The following KYNU variants were observed in gnomAD, a reference collection of about 807,000 sequenced individuals.
KYNU encodes kynureninase.
A neutral mutation model predicts 59.2 loss-of-function variants in KYNU; 54 were observed. That is an observed-to-expected ratio of 0.91 (90% CI 0.73 to 1.14). KYNU has a LOEUF of 1.14. Ranked by LOEUF, KYNU falls within the 50% of genes most tolerant of loss-of-function variation. The probability of loss-of-function intolerance (pLI) is 0.00; values close to 1 mark genes in which losing one functional copy is unlikely to be tolerated. For missense variants in KYNU, 567 were observed against 554.4 expected, an observed-to-expected ratio of 1.02 and a Z score of -0.23; for synonymous variants, 177 against 192.0, an observed-to-expected ratio of 0.92 and a Z score of 0.65.
intron 12 of KYNU, among the ~76,000 whole-genome samples, chr2:143,034,812 G>C (rs191120041): frequency 2.0e-5 from 3 of 152,166 alleles, no homozygotes; most frequent in Non-Finnish European, 4.4e-5. Flanking sequence ...TTGTATCAGC[G>C]AGATGTGTGA....
At position 142,941,300 on chromosome 2, in the gene KYNU, G is replaced by T. The variant is rs138051293; in HGVS notation, c.374-13510G>T. Among the ~76,000 whole-genome samples, 4 of 152,278 alleles carry T rather than the reference G, an allele frequency of 2.6e-5. No individual in the cohort carries two copies. In the South Asian group the frequency reaches 8.3e-4, roughly 32 times the overall value. Reference sequence around the variant, plus strand: ...CCACTTGGAATATCCAAGGGTTTTAGCAGCCCTGTACCCTGAACTGAGAAC... The same window carrying T: ...CCACTTGGAATATCCAAGGGTTTTATCAGCCCTGTACCCTGAACTGAGAAC... On this transcript the variant is annotated intron_variant, in intron 4 of 13. Coordinates refer to ENST00000264170, the MANE Select transcript of KYNU (RefSeq NM_003937.3).
Position 143,050,028 on chromosome 2 carries a change from T to A in KYNU, c.*7856T>A, listed in dbSNP as rs1687236478. 2 of 147,736 alleles carry A rather than the reference T, an allele frequency of 1.4e-5. No homozygotes were observed. Among genetic ancestry groups the A allele is most frequent in the Admixed American group, 1.4e-4 (2 of 14,682 alleles). The allele number at this position is 147,736 out of a possible 1,614,324, so 9.2% of individuals were successfully genotyped here. On this transcript the variant is annotated 3_prime_UTR_variant, in exon 14 of 14. Transcript: ENST00000264170. ...TGAATATATATATAATATATAAACA[T>A]ATATTTATATAAAATAAAAACATAT...
intron 8 of KYNU, chr2:142,971,306 T>TTGTG (rs1211936646): frequency 1.6e-5 from 2 of 125,104 alleles, no homozygotes; most frequent in Non-Finnish European, 3.3e-5. Flanking sequence ...TACCACAACA[T>TTGTG]TATGTGTGTG....
chr2:142,905,389 A>G (rs572535265), intron 2 of KYNU, among the ~76,000 whole-genome samples: 1 of 152,344 alleles, frequency 6.6e-6, no homozygotes, highest in Admixed American at 6.5e-5. Flanking sequence ...CTCACTATCA[A>G]TTAATGAATA....
At chr2:142,936,092 A>G (rs1683382733) in intron 4 of KYNU, among the ~76,000 whole-genome samples, 1 of 152,160 alleles carries the variant, frequency 6.6e-6, no homozygotes, top group Admixed American at 6.5e-5. Flanking sequence ...GGATTGAATG[A>G]GGAAAAAGAG....
At chr2:142,926,640 T>A (rs1459690281) in intron 3 of KYNU, among the ~76,000 whole-genome samples, 2 of 152,148 alleles carry the variant, frequency 1.3e-5, no homozygotes, top group East Asian at 3.9e-4. Flanking sequence ...GTAGATCGCA[T>A]CTTATGGTAA....
chr2:143,041,667 A>G (rs941181901), intron 13 of KYNU, among the ~76,000 whole-genome samples: 1 of 151,958 alleles, frequency 6.6e-6, no homozygotes, highest in African/African-American at 2.4e-5. Flanking sequence ...TAATTTACTA[A>G]AACTCTCCAG....
Position 143,054,326 on chromosome 2 carries a change from A to G in KYNU, c.*12154A>G, listed in dbSNP as rs1669049481. The stretch of plus-strand genomic sequence containing the variant: ...GCAATTCACAATTCTCTCTTTTCTC[A>G]TATATAATATAGAGCATATTATAAA... On this transcript the variant is annotated 3_prime_UTR_variant, in exon 14 of 14. Coordinates refer to ENST00000264170, the MANE Select transcript of KYNU (RefSeq NM_003937.3). 6.6e-6 allele frequency: 1 copy of G among 152,140 alleles called. No homozygotes were observed. The highest frequency in any genetic ancestry group is 2.1e-4 in the South Asian group (1 of 4,824). The allele number at this position is 152,140 out of a possible 1,614,324, so 9.4% of individuals were successfully genotyped here. A position where few individuals can be genotyped will look rare whatever the true frequency, so the allele number is the denominator to read the frequency against.
In KYNU at chr2:142,946,984, C is replaced by G. The variant is rs956190560; in HGVS notation, c.374-7826C>G. 24 of 1,459,136 alleles carry G rather than the reference C, an allele frequency of 1.6e-5. No homozygotes were observed. The Admixed American group carries it at 3.7e-4, about 22-fold the overall frequency. The allele number at this position is 1,459,136 out of a possible 1,614,324, so 90.4% of individuals were successfully genotyped here. On this transcript the variant is annotated intron_variant, in intron 4 of 13. Transcript: ENST00000264170. ...TTGTACTTTTTGTATTTCAAATAGC[C>G]AACTTGAGACAAGTTTATTAGTAAT...
At chr2:142,925,788 A>G (rs1055727256) in intron 3 of KYNU, among the ~76,000 whole-genome samples, 13 of 152,186 alleles carry the variant, frequency 8.5e-5, no homozygotes, top group African/African-American at 3.1e-4. Context: ...TGGTCTTACC[A>G]CCCCTTTTAG....
At chr2:143,006,510 G>T in intron 10 of KYNU, among the ~76,000 whole-genome samples, 1 of 42,968 alleles carries the variant, frequency 2.3e-5, no homozygotes, top group East Asian at 6.5e-4. Flanking sequence ...GGCTTGATTA[G>T]GTAAACAAAG....
In KYNU at chr2:143,050,153, A is replaced by G. The variant is rs2104934490; in HGVS notation, c.*7981A>G. On this transcript the variant is annotated 3_prime_UTR_variant, in exon 14 of 14. Coordinates refer to ENST00000264170, the MANE Select transcript of KYNU (RefSeq NM_003937.3). The stretch of plus-strand genomic sequence containing the variant: ...TATATATTTAAATAATATAAATATA[A>G]TAAATATTTGAAGCAATTGTATTTT... 1 of 149,992 alleles carries G rather than the reference A, an allele frequency of 6.7e-6. No individual in the cohort carries two copies. Among genetic ancestry groups the G allele is most frequent in the South Asian group, 2.1e-4 (1 of 4,796 alleles). The allele number at this position is 149,992 out of a possible 1,614,324, so 9.3% of individuals were successfully genotyped here.
At chr2:143,020,642 C>T (rs909856097) in intron 10 of KYNU, among the ~76,000 whole-genome samples, 3 of 152,088 alleles carry the variant, frequency 2.0e-5, no homozygotes, top group Non-Finnish European at 4.4e-5. Context: ...CTGTTAGGTC[C>T]ATTTGGTAGA....
intron 2 of KYNU, among the ~76,000 whole-genome samples, chr2:142,902,504 C>G (rs35202501): frequency 0.37 from 56,843 of 152,044 alleles, 10,856 homozygotes; most frequent in South Asian, 0.56. Flanking sequence ...TTGGCAGAAG[C>G]CTGTTATGCC....
chr2:143,055,567 T>C lies in KYNU; in HGVS notation c.*13395T>C, dbSNP rs1237463944. On this transcript the variant is annotated 3_prime_UTR_variant, in exon 14 of 14. Transcript: ENST00000264170. The stretch of plus-strand genomic sequence containing the variant: ...CACAATTCCTCTTTGCCATATAATG[T>C]AAAATATTCATACCTCTAAGGATTA... 1.3e-5 allele frequency: 2 copies of C among 151,658 alleles called. No homozygotes were observed. Among genetic ancestry groups the C allele is most frequent in the African/African-American group, 4.9e-5 (2 of 41,226 alleles). The allele number at this position is 151,658 out of a possible 1,614,324, so 9.4% of individuals were successfully genotyped here.
intron 1 of KYNU, among the ~76,000 whole-genome samples, chr2:142,884,326 TG>T (rs1681412720): frequency 6.6e-6 from 1 of 152,208 alleles, no homozygotes; most frequent in African/African-American, 2.4e-5. Context: ...TCCATGAATA[TG>T]GTTTTCACTC....
chr2:142,962,566 C>G (rs769026189), intron 8 of KYNU, among the ~76,000 whole-genome samples: 1 of 152,102 alleles, frequency 6.6e-6, no homozygotes, highest in Non-Finnish European at 1.5e-5. Context: ...TACTTAAGTA[C>G]TTTGATTGCT....
rs1246998855 is a variant in KYNU, at chr2:143,047,039, A to G, written c.*4867A>G. Reference sequence around the variant, plus strand: ...GTTTGACAAATTCCTAAGTACTTCTAATTTTATTGTCATTCCACATTATCT... The same window carrying G: ...GTTTGACAAATTCCTAAGTACTTCTGATTTTATTGTCATTCCACATTATCT... On this transcript the variant is annotated 3_prime_UTR_variant, in exon 14 of 14. Transcript: ENST00000264170. 1.3e-5 allele frequency: 2 copies of G among 152,048 alleles called. No homozygotes were observed. Among genetic ancestry groups the G allele is most frequent in the African/African-American group, 2.4e-5 (1 of 41,410 alleles). The allele number at this position is 152,048 out of a possible 1,614,324, so 9.4% of individuals were successfully genotyped here.
chr2:142,888,684 G>T (rs1260943545), intron 2 of KYNU, among the ~76,000 whole-genome samples: 5 of 151,584 alleles, frequency 3.3e-5, no homozygotes, highest in African/African-American at 1.2e-4. Context: ...GGATAAGATG[G>T]TATCCTAGAG....
Sources: allele counts gnomAD v4.1 joint callset (sites outside exome capture counted in the v4.1 genomes callset), GRCh38; gene constraint gnomAD v4.1.1; transcripts MANE v1.5; gene names NCBI Gene and HGNC (gene_info 2026-07-23, HGNC 2026-07-21).